SPTAN1: variants seen among roughly 807,000 people sequenced by gnomAD.
SPTAN1 encodes spectrin alpha chain, non-erythrocytic 1.
SPTAN1 carries 61 observed loss-of-function variants against 331.3 expected under a neutral mutation model. The observed-to-expected ratio is 0.18, with a 90% CI of 0.15 to 0.23. SPTAN1 has a LOEUF of 0.23. Among genes scored for constraint, SPTAN1 ranks in the 10% least tolerant of loss-of-function variants. The probability of loss-of-function intolerance (pLI) is 1.00; values close to 1 mark genes in which losing one functional copy is unlikely to be tolerated. For synonymous variants in SPTAN1, 1,153 were observed against 1,173.9 expected (o/e 0.98, Z 0.36); for missense variants, 2,043 against 3,147.9 (o/e 0.65, Z 8.40).
chr9:128,607,885 A>T lies in SPTAN1; in HGVS notation c.4180A>T (p.Thr1394Ser). The change falls in exon 33 of 57, where the codon ACT becomes TCT. Residue 1394 changes from threonine to serine, a missense_variant. This residue lies in a region of SPTAN1 where 179 missense variants were observed against 215.7 expected (regional missense o/e 0.83). Coordinates refer to ENST00000372739, the MANE Select transcript of SPTAN1 (RefSeq NM_001130438.3). ...HRTEIDARAG[T>S]FQAFEQFGQQ... ...GACAGAAATCGATGCCAGGGCTGGCACTTTCCAGGCATTTGAGCAGTTTGG... is the reference window on the plus strand; with the variant it reads ...GACAGAAATCGATGCCAGGGCTGGCTCTTTCCAGGCATTTGAGCAGTTTGG... 6 of 1,614,046 alleles carry T rather than the reference A, an allele frequency of 3.7e-6. No individual in the cohort carries two copies. The highest frequency in any genetic ancestry group is 4.2e-6 in the Non-Finnish European group (5 of 1,180,030).
chr9:128,588,899 A>G lies in SPTAN1; in HGVS notation c.2962A>G (p.Met988Val). The G allele has an allele frequency of 1.2e-6, 2 of 1,614,184 alleles. No individual in the cohort carries two copies. Among genetic ancestry groups the G allele is most frequent in the Middle Eastern group, 1.7e-4 (1 of 6,060 alleles). The change falls in exon 21 of 57, where the codon ATG (methionine) becomes GTG (valine). Residue 988 changes from methionine to valine, a missense_variant. Physicochemically the swap from Met to Val is conservative, Grantham distance 21. Coordinates refer to ENST00000372739, the MANE Select transcript of SPTAN1 (RefSeq NM_001130438.3). ...YQEKSPREVT[M>V]KKGDILTLLN... is the part of the protein sequence containing the mutation. Reference sequence around the variant, plus strand: ...GGAGAAGAGTCCCCGAGAGGTCACCATGAAGAAGGGAGATATCCTTACCTT... The same window carrying G: ...GGAGAAGAGTCCCCGAGAGGTCACCGTGAAGAAGGGAGATATCCTTACCTT...
In SPTAN1 at chr9:128,618,704, C is replaced by T. The variant is rs572863471; in HGVS notation, c.5601-167C>T. Among the ~76,000 whole-genome samples, 678 of 152,178 alleles carry T rather than the reference C, an allele frequency of 4.5e-3. 4 individuals are homozygous for T. The highest frequency in any genetic ancestry group is 0.015 in the African/African-American group (604 of 41,516). ...TTCACCGTCTTAGCCAGGATGGTCTCGATCTCCTGATCTCGTGATCTGCCC... is the reference window on the plus strand; with the variant it reads ...TTCACCGTCTTAGCCAGGATGGTCTTGATCTCCTGATCTCGTGATCTGCCC... On this transcript the variant is annotated intron_variant, in intron 43 of 56. Transcript: ENST00000372739.
At chr9:128,581,180 AGAGG>A in intron 11 of SPTAN1, 121 bp downstream of exon 11, 1 of 1,379,348 alleles carries the variant, frequency 7.2e-7, no homozygotes, top group East Asian at 2.4e-5. Context: ...AATCCATTGA[AGAGG>A]GGGAATTGAG....
intron 9 of SPTAN1, 56 bp downstream of exon 9, chr9:128,578,301 G>T: frequency 6.2e-7 from 1 of 1,604,510 alleles, no homozygotes; most frequent in Non-Finnish European, 8.5e-7. Flanking sequence ...TAATGCACCA[G>T]TTTATCAGTG....
chr9:128,606,129 T>C (rs2131586832), intron 31 of SPTAN1, among the ~76,000 whole-genome samples: 1 of 151,862 alleles, frequency 6.6e-6, no homozygotes, highest in South Asian at 2.1e-4. Context: ...CCCAGCACTT[T>C]GGGAAGTCAA....
chr9:128,575,426 T>C (rs1167200527), intron 5 of SPTAN1, 81 bp downstream of exon 5: 1 of 1,527,424 alleles, frequency 6.5e-7, no homozygotes, highest in Admixed American at 1.7e-5. Context: ...TTTTGATGAT[T>C]GGTCCCCTAA....
chr9:128,598,788 C>T lies in SPTAN1; in HGVS notation c.3520-175C>T, dbSNP rs1854655637. The T allele has an allele frequency of 6.0e-6, 4 of 671,642 alleles. No individual in the cohort carries two copies. In the East Asian group the frequency reaches 8.1e-5, roughly 14 times the overall value. The allele number at this position is 671,642 out of a possible 1,614,324, so 41.6% of individuals were successfully genotyped here. A position where few individuals can be genotyped will look rare whatever the true frequency, so the allele number is the denominator to read the frequency against. On this transcript the variant is annotated intron_variant, in intron 25 of 56. Coordinates refer to ENST00000372739, the MANE Select transcript of SPTAN1 (RefSeq NM_001130438.3). ...TTAACTAATGGTAATTTCATAAGTT[C>T]CTCAAAGAAAAAGTTTATATATAAA...
intron 24 of SPTAN1, 132 bp from the exon 25 acceptor site, chr9:128,598,267 TC>T (rs1036598903): frequency 1.3e-5 from 9 of 716,734 alleles, no homozygotes; most frequent in Middle Eastern, 3.9e-4. Flanking sequence ...ATTTTTTTAA[TC>T]CCCCCCTTTT....
intron 3 of SPTAN1, among the ~76,000 whole-genome samples, chr9:128,572,771 C>A (rs771898438): frequency 1.3e-5 from 2 of 152,118 alleles, no homozygotes; most frequent in Non-Finnish European, 2.9e-5. Context: ...CACACCATAC[C>A]GGACAGCGTG....
chr9:128,568,964 A>G (rs1850351846), intron 3 of SPTAN1, 67 bp downstream of exon 3: 2 of 1,606,482 alleles, frequency 1.2e-6, no homozygotes, highest in Admixed American at 1.7e-5. Context: ...TCATGCATAC[A>G]TGTCAGTTTG....
In SPTAN1 at chr9:128,583,134, T is replaced by TCAG; in HGVS notation, c.1867_1869dup (p.Ala623dup). 6.2e-7 allele frequency: 1 copy of TCAG among 1,614,178 alleles called. No individual in the cohort carries two copies. Among genetic ancestry groups the TCAG allele is most frequent in the African/African-American group, 1.3e-5 (1 of 75,052 alleles). On this transcript the variant is annotated inframe_insertion, in exon 15 of 57. Coordinates refer to ENST00000372739, the MANE Select transcript of SPTAN1 (RefSeq NM_001130438.3). ...GCATCAGGCTTTTGAGGCTGAGCTC[T>TCAG]CAGCAAACCAGAGCCGAATTGATGC...
At chr9:128,585,675 G>C in intron 18 of SPTAN1, 73 bp from the exon 19 acceptor site, 1 of 1,305,576 alleles carries the variant, frequency 7.7e-7, no homozygotes, top group South Asian at 1.2e-5. Context: ...AACACACAGA[G>C]AAAACTTATT....
Position 128,609,177 on chromosome 9 carries a change from C to A in SPTAN1, c.4651C>A (p.Gln1551Lys). 1 of 1,614,216 alleles carries A rather than the reference C, an allele frequency of 6.2e-7. No homozygotes were observed. Among genetic ancestry groups the A allele is most frequent in the South Asian group, 1.1e-5 (1 of 91,080 alleles). Residue 1551 changes from glutamine to lysine, a missense_variant, in exon 36 of 57, where the codon CAA becomes AAA. Physicochemically the swap from Gln to Lys is moderately conservative, Grantham distance 53. Around this residue, in one of 12 missense-constraint regions of SPTAN1, gnomAD observed 323 missense variants for 581.1 expected, o/e 0.56. Transcript: ENST00000372739. Reference protein sequence around the residue: ...IEKRSKLGESQTLQQFSRDVD... With the variant: ...IEKRSKLGESKTLQQFSRDVD... ...GAAAAGGTCAAAGCTAGGAGAATCT[C>A]AAACCCTCCAACAGTTCAGCCGGGA...
chr9:128,604,926 C>G (rs916322852), intron 29 of SPTAN1, 108 bp from the exon 30 acceptor site: 10 of 1,190,408 alleles, frequency 8.4e-6, no homozygotes, highest in African/African-American at 4.7e-5. Flanking sequence ...GAATGAAACT[C>G]CATCTCAGTA....
At chr9:128,612,957 G>C (rs181093445) in intron 39 of SPTAN1, among the ~76,000 whole-genome samples, 1 of 151,690 alleles carries the variant, frequency 6.6e-6, no homozygotes, top group Non-Finnish European at 1.5e-5. Context: ...TAATAATTGC[G>C]TAAGTTTATC....
rs1858550739 is a variant in SPTAN1 at position 128,625,229 on chromosome 9, G to C, written c.6069+50G>C. Reference sequence around the variant, plus strand: ...TGAAATGTATGCAGATAGCATCTGTGAGATGACTGGTGGCGTCTTTCACTG... The same window carrying C: ...TGAAATGTATGCAGATAGCATCTGTCAGATGACTGGTGGCGTCTTTCACTG... On this transcript the variant is annotated intron_variant, in intron 47 of 56. Transcript: ENST00000372739. This position sits in a 1 kb window ranked among gnomAD's most constrained non-coding sequence, Gnocchi z 4.1. The C allele has an allele frequency of 6.4e-7, 1 of 1,572,374 alleles. No homozygotes were observed. The highest frequency in any genetic ancestry group is 1.7e-5 in the Admixed American group (1 of 59,716).
At chr9:128,599,247 A>G (rs1411472553) in intron 26 of SPTAN1, 2 of 465,972 alleles carry the variant, frequency 4.3e-6, no homozygotes, top group African/African-American at 2.0e-5. Context: ...CGATTCTCCC[A>G]TCTCAGCTTC....
At position 128,576,849 on chromosome 9, in the gene SPTAN1, C is replaced by A; in HGVS notation, c.678C>A (p.Ile226=). The change falls in exon 6 of 57, where the codon ATC becomes ATA. Residue 226 remains isoleucine (I), a synonymous_variant. Coordinates refer to ENST00000372739, the MANE Select transcript of SPTAN1 (RefSeq NM_001130438.3). ...IQEQHPEEEL[I]KTKQDEVNAA... ...AGCAGCACCCTGAGGAGGAACTGATCAAGACTAAGCAGGATGAAGTCAATG... is the reference window on the plus strand; with the variant it reads ...AGCAGCACCCTGAGGAGGAACTGATAAAGACTAAGCAGGATGAAGTCAATG... The A allele has an allele frequency of 1.2e-6, 2 of 1,613,926 alleles. No individual in the cohort carries two copies. The highest frequency in any genetic ancestry group is 1.7e-6 in the Non-Finnish European group (2 of 1,180,026).
chr9:128,573,394 A>G (rs7042918), intron 3 of SPTAN1, among the ~76,000 whole-genome samples: 114,116 of 152,142 alleles, frequency 0.75, 45,503 homozygotes, highest in Non-Finnish European at 0.9. Flanking sequence ...CAGAAGGTCC[A>G]AAGTTTTTTC....
Sources: allele counts gnomAD v4.1 joint callset (sites outside exome capture counted in the v4.1 genomes callset), GRCh38; gene constraint gnomAD v4.1.1; regional missense constraint gnomAD v4.1.1; non-coding constraint Gnocchi (gnomAD v3.1); transcripts MANE v1.5; gene names NCBI Gene and HGNC (gene_info 2026-07-23, HGNC 2026-07-21).